Variants in LRP2 observed in about 807,000 individuals in gnomAD.
LRP2 encodes the protein low-density lipoprotein receptor-related protein 2.
A neutral mutation model predicts 531.0 loss-of-function variants in LRP2; 172 were observed. That is an observed-to-expected ratio of 0.32 (90% CI 0.29 to 0.37). The LOEUF (loss-of-function observed/expected upper bound fraction) is 0.37. Ranked by LOEUF, LRP2 falls within the 10% of genes least tolerant of loss-of-function variation. The pLI is 1.00. For missense variants in LRP2, 5,167 were observed against 5,868.3 expected (o/e 0.88, Z 3.90); for synonymous variants, 1,992 against 2,027.6 (o/e 0.98, Z 0.47).
intron 4 of LRP2, among the ~76,000 whole-genome samples, chr2:169,295,940 A>G (rs977445576): frequency 5.9e-5 from 9 of 152,158 alleles, no homozygotes; most frequent in African/African-American, 2.2e-4. Context: ...AGGAAAAGGT[A>G]TGTCTTAATT....
intron 63 of LRP2, among the ~76,000 whole-genome samples, chr2:169,157,957 T>TAAATAAA (rs568534822): frequency 2.4e-4 from 35 of 146,070 alleles, no homozygotes; most frequent in East Asian, 1.7e-3. Context: ...AATAAATAAA[T>TAAATAAA]AAAAGACATG....
chr2:169,138,496 C>CTAGGTGAATT (rs1163435777), intron 75 of LRP2, 81 bp downstream of exon 75: 1 of 1,480,274 alleles, frequency 6.8e-7, no homozygotes, highest in East Asian at 2.4e-5. Flanking sequence ...TCAGTCTTCT[C>CTAGGTGAATT]TAGGTGAATT....
At chr2:169,194,557 T>A (rs192493338) in intron 46 of LRP2, among the ~76,000 whole-genome samples, 1 of 152,146 alleles carries the variant, frequency 6.6e-6, no homozygotes, top group Non-Finnish European at 1.5e-5. Context: ...ATTTAACTAA[T>A]GAAGGTGTCA....
chr2:169,273,501 C>A (rs1043389274), intron 14 of LRP2, among the ~76,000 whole-genome samples: 9 of 152,112 alleles, frequency 5.9e-5, no homozygotes, highest in Admixed American at 2.0e-4. Context: ...AAGTATTAGT[C>A]CTCCAATTTT....
chr2:169,246,713 C>G lies in LRP2; in HGVS notation c.3182G>C (p.Gly1061Ala), dbSNP rs544224269. 3.1e-5 allele frequency: 50 copies of G among 1,613,998 alleles called. No homozygotes were observed. The highest frequency in any genetic ancestry group is 4.1e-5 in the Non-Finnish European group (48 of 1,179,980). The change falls in exon 21 of 79, where the codon GGC (glycine) becomes GCC (alanine). Residue 1061 changes from glycine (G) to alanine (A), a missense_variant. Gly to Ala is a moderately conservative substitution (Grantham distance 60, BLOSUM62 0). Transcript: ENST00000649046. ...AGTGCATAGCTACTTACTAAGTGTG[C>G]CACATAGTTGCTCATCACTGTTATC... ...CHDNSDEQLC[G>A]TLNNTCSSSA... is the part of the protein sequence containing the mutation.
chr2:169,293,870 C>T (rs1009500738), intron 6 of LRP2, among the ~76,000 whole-genome samples: 2 of 151,940 alleles, frequency 1.3e-5, no homozygotes, highest in Non-Finnish European at 1.5e-5. Flanking sequence ...TATCCTGTAC[C>T]CCTGGAGCCT....
chr2:169,171,834 T>G (rs1200604837), intron 58 of LRP2, among the ~76,000 whole-genome samples, 181 bp downstream of exon 58: 1 of 152,224 alleles, frequency 6.6e-6, no homozygotes, highest in Non-Finnish European at 1.5e-5. Context: ...CAGAAGGAGA[T>G]GCTTATGTCT....
chr2:169,241,126 T>C lies in LRP2; in HGVS notation c.3907A>G (p.Lys1303Glu). 6.2e-7 allele frequency: 1 copy of C among 1,613,972 alleles called. No individual in the cohort carries two copies. The highest frequency in any genetic ancestry group is 2.2e-5 in the East Asian group (1 of 44,878). ...DNDCGDMSDE[K>E]DCPTQPFRCP... ...CGAAAGGGCTGAGTAGGGCAGTCCT[T>C]CTCATCACTCATATCCCCGCAGTCA... Residue 1303 changes from lysine to glutamate, a missense_variant, in exon 25 of 79, where the codon AAG becomes GAG. This residue lies in a region of LRP2 where 2,811 missense variants were observed against 3,058.0 expected (regional missense o/e 0.92). Transcript: ENST00000649046.
At chr2:169,242,783 C>T (rs1444256349) in intron 24 of LRP2, among the ~76,000 whole-genome samples, 173 bp downstream of exon 24, 1 of 152,186 alleles carries the variant, frequency 6.6e-6, no homozygotes, top group African/African-American at 2.4e-5. Context: ...GTTAATTACA[C>T]ATTATATGGC....
rs1687607130 is a variant in LRP2, at chr2:169,185,618, T to A, written c.9730A>T (p.Ile3244Phe). The A allele has an allele frequency of 6.2e-7, 1 of 1,614,050 alleles. No individual in the cohort carries two copies. Among genetic ancestry groups the A allele is most frequent in the Non-Finnish European group, 8.5e-7 (1 of 1,180,022 alleles). Residue 3244 changes from isoleucine (I) to phenylalanine (F), a missense_variant, in exon 50 of 79, where the codon ATT (isoleucine) becomes TTT (phenylalanine). By Grantham distance (21) the Ile-to-Phe change is conservative (BLOSUM62 0). Transcript: ENST00000649046. The part of the protein sequence containing the change: ...FDRVEKRLYW[I>F]DTQRQVIERM... Reference sequence around the variant, plus strand: ...TCAATGACTTGCCTCTGTGTATCAATCCAATACAATCTCTTCTCTACTCGG... The same window carrying A: ...TCAATGACTTGCCTCTGTGTATCAAACCAATACAATCTCTTCTCTACTCGG...
At chr2:169,227,550 T>A (rs774622780) in intron 31 of LRP2, among the ~76,000 whole-genome samples, 3 of 152,208 alleles carry the variant, frequency 2.0e-5, no homozygotes, top group African/African-American at 7.2e-5. Flanking sequence ...GATATATGTA[T>A]AAGATATATC....
intron 1 of LRP2, among the ~76,000 whole-genome samples, chr2:169,327,150 C>T (rs1440381115): frequency 7.9e-5 from 11 of 140,046 alleles, no homozygotes; most frequent in South Asian, 2.4e-4. Flanking sequence ...GTCAGCCCCC[C>T]GCCCGGCCAG....
intron 1 of LRP2, among the ~76,000 whole-genome samples, chr2:169,326,762 G>A (rs1327679749): frequency 6.7e-6 from 1 of 148,966 alleles, no homozygotes; most frequent in Non-Finnish European, 1.5e-5. Context: ...ATCCCATCTA[G>A]GAAGTGAGGA....
chr2:169,133,009 G>C (rs1486015342), intron 76 of LRP2, among the ~76,000 whole-genome samples: 1 of 152,070 alleles, frequency 6.6e-6, no homozygotes, highest in Non-Finnish European at 1.5e-5. Flanking sequence ...CAAATTTTTG[G>C]ATAATCATAC....
chr2:169,314,424 T>TA (rs112912157), intron 3 of LRP2, among the ~76,000 whole-genome samples: 31,994 of 143,744 alleles, frequency 0.22, 3,640 homozygotes, highest in African/African-American at 0.3. Flanking sequence ...CCCCTGTCTC[T>TA]AAAAAAAAAA....
In LRP2 at chr2:169,197,260, C is replaced by CA. The variant is rs145613993; in HGVS notation, c.8579-231dup. Among the ~76,000 whole-genome samples, 16,098 of 139,562 alleles carry CA rather than the reference C, an allele frequency of 0.12. 937 individuals are homozygous for CA. The highest frequency in any genetic ancestry group is 0.13 in the African/African-American group (4,827 of 37,974). The allele number at this position is 139,562 out of a possible 152,430, so 91.6% of individuals were successfully genotyped here. A position where few individuals can be genotyped will look rare whatever the true frequency, so the allele number is the denominator to read the frequency against. ...ATTTGTTTTTCTAGATTCCAGAAAT[C>CA]AAAAAAAAAAAATTGTATTTGTTAG... On this transcript the variant is annotated intron_variant, in intron 45 of 78. Transcript: ENST00000649046.
At chr2:169,146,231 G>C (rs1021022688) in intron 69 of LRP2, among the ~76,000 whole-genome samples, 6 of 152,160 alleles carry the variant, frequency 3.9e-5, no homozygotes, top group African/African-American at 7.2e-5. Flanking sequence ...TAAATGGCAA[G>C]ATTTTATGTT....
At chr2:169,278,022 T>G in intron 12 of LRP2, 71 bp from the exon 13 acceptor site, 8 of 1,237,492 alleles carry the variant, frequency 6.5e-6, no homozygotes, top group Non-Finnish European at 9.5e-6. Context: ...TTTTTAACAG[T>G]GTGTTTGGAT....
intron 12 of LRP2, among the ~76,000 whole-genome samples, chr2:169,279,052 A>ATTAAC (rs1683630413): frequency 1.3e-5 from 2 of 152,206 alleles, no homozygotes; most frequent in Admixed American, 1.3e-4. Context: ...ATATTATTAG[A>ATTAAC]TTGAGTTAGA....
Sources: allele counts gnomAD v4.1 joint callset (sites outside exome capture counted in the v4.1 genomes callset), GRCh38; gene constraint gnomAD v4.1.1; regional missense constraint gnomAD v4.1.1; transcripts MANE v1.5; gene names NCBI Gene and HGNC (gene_info 2026-07-23, HGNC 2026-07-21).